The following ZNF804A variants were observed in gnomAD, a reference collection of about 807,000 sequenced individuals.
ZNF804A encodes zinc finger protein 804A.
In ZNF804A, 2 loss-of-function variants were observed where a neutral mutation model predicts 16.5. That is an observed-to-expected ratio of 0.12 (90% CI 0.05 to 0.38). ZNF804A has a LOEUF of 0.38. Among genes scored for constraint, ZNF804A ranks in the 10% least tolerant of loss-of-function variants. ZNF804A has a pLI of 0.99. For synonymous variants in ZNF804A, 534 were observed against 489.6 expected (o/e 1.09, Z -1.20); for missense variants, 1,473 against 1,390.7 (o/e 1.06, Z -0.94).
chr2:184,897,646 CA>C (rs1685109480), intron 2 of ZNF804A, among the ~76,000 whole-genome samples: 1 of 152,040 alleles, frequency 6.6e-6, no homozygotes. Flanking sequence ...TTATTTCAAT[CA>C]TTAATTTATA....
intron 1 of ZNF804A, among the ~76,000 whole-genome samples, chr2:184,693,654 C>T (rs372510084): frequency 1.3e-5 from 2 of 152,056 alleles, no homozygotes; most frequent in African/African-American, 4.8e-5. Flanking sequence ...AAATTTAAAT[C>T]CACTTAAAAA....
chr2:184,651,710 C>T (rs1286361686), intron 1 of ZNF804A, among the ~76,000 whole-genome samples: 1 of 151,936 alleles, frequency 6.6e-6, no homozygotes, highest in Non-Finnish European at 1.5e-5. Flanking sequence ...CACTAATCAT[C>T]AGAAAAATGC....
chr2:184,656,665 C>A (rs1308882094), intron 1 of ZNF804A, among the ~76,000 whole-genome samples: 1 of 151,758 alleles, frequency 6.6e-6, no homozygotes, highest in Non-Finnish European at 1.5e-5. Context: ...TTTTCTTTAT[C>A]TTGTGTGTGT....
At chr2:184,751,587 T>C (rs1693878855) in intron 1 of ZNF804A, among the ~76,000 whole-genome samples, 1 of 151,446 alleles carries the variant, frequency 6.6e-6, no homozygotes, top group Non-Finnish European at 1.5e-5. Flanking sequence ...CAAGGATTCA[T>C]GATGAATACC....
At chr2:184,683,312 A>G (rs1302802902) in intron 1 of ZNF804A, among the ~76,000 whole-genome samples, 1 of 152,174 alleles carries the variant, frequency 6.6e-6, no homozygotes, top group Non-Finnish European at 1.5e-5. Flanking sequence ...GTAGGTTTCA[A>G]GTATGTCAAA....
intron 1 of ZNF804A, among the ~76,000 whole-genome samples, chr2:184,724,470 GAGAGTTC>G (rs1693371571): frequency 1.4e-5 from 1 of 73,644 alleles, no homozygotes; most frequent in Non-Finnish European, 2.5e-5. Flanking sequence ...CAAAGAATCA[GAGAGTTC>G]AGAGAGTTTC....
intron 1 of ZNF804A, among the ~76,000 whole-genome samples, chr2:184,811,398 C>A (rs1015276631): frequency 6.6e-6 from 1 of 152,032 alleles, no homozygotes; most frequent in Non-Finnish European, 1.5e-5. Context: ...AACCTATTGT[C>A]AATTTTATCA....
chr2:184,608,188 G>T (rs1007193252), intron 1 of ZNF804A, among the ~76,000 whole-genome samples: 5 of 151,634 alleles, frequency 3.3e-5, no homozygotes, highest in African/African-American at 7.3e-5. Context: ...CTCGTGATCC[G>T]CCCGCCTCGG....
At chr2:184,896,485 G>A (rs1045358187) in intron 2 of ZNF804A, among the ~76,000 whole-genome samples, 1 of 152,014 alleles carries the variant, frequency 6.6e-6, no homozygotes, top group Non-Finnish European at 1.5e-5. Flanking sequence ...GTTTCATCCT[G>A]CCAAAAATTT....
At chr2:184,783,759 C>G (rs16826203) in intron 1 of ZNF804A, among the ~76,000 whole-genome samples, 5,320 of 151,946 alleles carry the variant, frequency 0.035, 306 homozygotes, top group African/African-American at 0.12. Context: ...CTCTGGAAGT[C>G]GTTGTTATCT....
chr2:184,773,421 C>G (rs1407781711), intron 1 of ZNF804A, among the ~76,000 whole-genome samples: 1 of 151,826 alleles, frequency 6.6e-6, no homozygotes, highest in Non-Finnish European at 1.5e-5. Context: ...AGCAAGAGAA[C>G]AAACCTGCTA....
chr2:184,757,197 A>G (rs947928884), intron 1 of ZNF804A, among the ~76,000 whole-genome samples: 3 of 152,064 alleles, frequency 2.0e-5, no homozygotes, highest in African/African-American at 7.2e-5. Flanking sequence ...CTCATAATTC[A>G]GTTGAAGATC....
At chr2:184,748,933 C>T (rs571554813) in intron 1 of ZNF804A, among the ~76,000 whole-genome samples, 1 of 151,432 alleles carries the variant, frequency 6.6e-6, no homozygotes, top group South Asian at 2.1e-4. Context: ...CTAGTCTGTT[C>T]CATTGGTCTG....
At chr2:184,878,231 T>G (rs1340367405) in intron 2 of ZNF804A, among the ~76,000 whole-genome samples, 1 of 152,070 alleles carries the variant, frequency 6.6e-6, no homozygotes, top group Non-Finnish European at 1.5e-5. Context: ...AATCCTGCTA[T>G]GGACAACAAA....
intron 2 of ZNF804A, chr2:184,902,226 T>C (rs780188995): frequency 1.3e-3 from 210 of 165,644 alleles, no homozygotes; most frequent in Non-Finnish European, 3.1e-4. Flanking sequence ...ATCAGTCTTA[T>C]AGAGCTTCTT....
chr2:184,645,455 GT>G (rs1369517642), intron 1 of ZNF804A, among the ~76,000 whole-genome samples: 5 of 152,160 alleles, frequency 3.3e-5, no homozygotes, highest in Non-Finnish European at 2.9e-5. Context: ...GTGACTTTCT[GT>G]TTTTCATAGT....
At chr2:184,709,774 T>C (rs1362318234) in intron 1 of ZNF804A, among the ~76,000 whole-genome samples, 1 of 150,304 alleles carries the variant, frequency 6.7e-6, no homozygotes, top group East Asian at 1.9e-4. Flanking sequence ...GTGTACTGCT[T>C]TCCTTCTTTA....
intron 1 of ZNF804A, among the ~76,000 whole-genome samples, chr2:184,679,570 TG>T (rs1041973714): frequency 2.6e-5 from 4 of 152,170 alleles, no homozygotes; most frequent in Non-Finnish European, 5.9e-5. Flanking sequence ...TGGAAGTGCC[TG>T]CTCTCGCTAT....
chr2:184,616,968 G>C (rs1365299444), intron 1 of ZNF804A, among the ~76,000 whole-genome samples: 1 of 151,912 alleles, frequency 6.6e-6, no homozygotes, highest in Non-Finnish European at 1.5e-5. Flanking sequence ...TTCATATTTA[G>C]TATGAGAGAT....
Sources: gnomAD v4.1 joint callset for allele counts (sites outside exome capture counted in the v4.1 genomes callset) on GRCh38, gnomAD v4.1.1 for gene constraint, MANE v1.5 for transcripts, NCBI Gene and HGNC (gene_info 2026-07-23, HGNC 2026-07-21) for gene names.